Variants in SMPD3 observed in about 807,000 individuals in gnomAD.
SMPD3 encodes the protein nSMase-2.
SMPD3 carries 21 observed loss-of-function variants against 55.7 expected under a neutral mutation model. The observed-to-expected ratio is 0.38, with a 90% CI of 0.27 to 0.54. The LOEUF (loss-of-function observed/expected upper bound fraction) is 0.54. Ranked by LOEUF, SMPD3 falls within the 20% of genes least tolerant of loss-of-function variation. SMPD3 has a pLI of 0.80. For synonymous variants in SMPD3, 457 were observed against 404.3 expected, an observed-to-expected ratio of 1.13 and a Z score of -1.56; for missense variants, 842 against 899.6, an observed-to-expected ratio of 0.94 and a Z score of 0.82.
At chr16:68,421,750 G>A (rs902159661) in intron 1 of SMPD3, among the ~76,000 whole-genome samples, 1 of 152,214 alleles carries the variant, frequency 6.6e-6, no homozygotes, top group Admixed American at 6.5e-5. Context: ...GAGTCTAGGG[G>A]TGGGCATTGT....
chr16:68,397,286 A>G (rs1264713581), intron 1 of SMPD3, among the ~76,000 whole-genome samples: 1 of 152,130 alleles, frequency 6.6e-6, no homozygotes, highest in Non-Finnish European at 1.5e-5. Context: ...TCCCAGAGGG[A>G]TTCAAGGTGG....
rs374711863 is a variant in SMPD3, at chr16:68,371,465, C to T, written c.717G>A (p.Pro239=). 1.9e-4 allele frequency: 306 copies of T among 1,595,910 alleles called. 1 individual carries two copies. The Middle Eastern group carries it at 2.2e-3, about 11-fold the overall frequency. Residue 239 remains proline, a synonymous_variant, in exon 3 of 9, where the codon CCG becomes CCA. Transcript: ENST00000219334. ...CGATGCGCACGATGCAGGCATCCTC[C>T]GGGCTGCTGCTGTCGACAGGGTCCC... is the stretch of plus-strand genomic sequence containing the variant. The part of the protein sequence containing the change: ...ASGDPVDSSS[P]EDACIVRIGG...
At chr16:68,440,810 T>C (rs1322111215) in intron 1 of SMPD3, among the ~76,000 whole-genome samples, 32 of 152,208 alleles carry the variant, frequency 2.1e-4, no homozygotes, top group Non-Finnish European at 7.3e-5. Context: ...CTGATTCCCC[T>C]GAGGAATCTG....
intron 1 of SMPD3, among the ~76,000 whole-genome samples, chr16:68,443,429 T>C (rs2090583918): frequency 6.6e-6 from 1 of 152,236 alleles, no homozygotes; most frequent in Admixed American, 6.5e-5. Context: ...AATAGGCTGC[T>C]AGGAAATAAA....
At chr16:68,387,772 T>A (rs2152002394) in intron 1 of SMPD3, among the ~76,000 whole-genome samples, 2 of 152,346 alleles carry the variant, frequency 1.3e-5, no homozygotes, top group Admixed American at 1.3e-4. Context: ...CCTATCACTC[T>A]TCACACCGCA....
intron 2 of SMPD3, among the ~76,000 whole-genome samples, chr16:68,374,232 G>A (rs916956527): frequency 9.2e-5 from 14 of 152,356 alleles, no homozygotes; most frequent in African/African-American, 3.4e-4. Flanking sequence ...CCACCAACCC[G>A]AGGTGTGCGG....
rs73551933 is a variant in SMPD3, at chr16:68,417,680, C to T, written c.-269+30673G>A. Among the ~76,000 whole-genome samples the T allele has an allele frequency of 4.0e-3, 607 of 152,332 alleles. 7 individuals carry two copies. The highest frequency in any genetic ancestry group is 0.013 in the African/African-American group (550 of 41,572). ...CTTGGAGACCAGTCCTAGACCTACA[C>T]GCTACTAGACAAAGATGCTGGTACC... On this transcript the variant is annotated intron_variant, in intron 1 of 8. Coordinates refer to ENST00000219334, the MANE Select transcript of SMPD3 (RefSeq NM_018667.4).
Position 68,447,257 on chromosome 16 carries a change from C to A in SMPD3, c.-269+1096G>T, listed in dbSNP as rs867370632. On this transcript the variant is annotated intron_variant, in intron 1 of 8. Coordinates refer to ENST00000219334, the MANE Select transcript of SMPD3 (RefSeq NM_018667.4). The surrounding 1 kb of genome is among the most constrained non-coding windows in gnomAD (Gnocchi z 5.1). ...GAGCCTCGGTTTGGGGTGCGCCCTG[C>A]ATCGGAGCGGAGCAGCCCCCAAAGA... 6.6e-6 allele frequency among the ~76,000 whole-genome samples: 1 copy of A among 152,224 alleles called. No homozygotes were observed. The highest frequency in any genetic ancestry group is 2.4e-5 in the African/African-American group (1 of 41,470).
At chr16:68,431,876 C>G (rs1394024015) in intron 1 of SMPD3, among the ~76,000 whole-genome samples, 1 of 152,040 alleles carries the variant, frequency 6.6e-6, no homozygotes, top group African/African-American at 2.4e-5. Context: ...GAGCTGAGAT[C>G]CTACCACTGC....
intron 1 of SMPD3, among the ~76,000 whole-genome samples, chr16:68,388,537 G>A (rs2090082122): frequency 6.6e-6 from 1 of 152,114 alleles, no homozygotes; most frequent in Non-Finnish European, 1.5e-5. Flanking sequence ...AAGTGGGGAG[G>A]AGCTCACCTC....
Position 68,359,319 on chromosome 16 carries a change from G to C in SMPD3, c.*1887C>G, listed in dbSNP as rs1009895144. On this transcript the variant is annotated 3_prime_UTR_variant, in exon 9 of 9. Transcript: ENST00000219334. ...GTCAAGGCTCACAGGCCAGCCCCTT[G>C]GAGGGGTGGGCCGGGCAGAGAGCCC... The C allele has an allele frequency of 6.6e-6, 1 of 152,478 alleles. No homozygotes were observed. The highest frequency in any genetic ancestry group is 1.5e-5 in the Non-Finnish European group (1 of 68,156). The allele number at this position is 152,478 out of a possible 1,614,324, so 9.4% of individuals were successfully genotyped here.
chr16:68,440,717 A>G (rs1574668), intron 1 of SMPD3, among the ~76,000 whole-genome samples: 105,240 of 152,086 alleles, frequency 0.69, 38,363 homozygotes, highest in East Asian at 0.88. Context: ...TCAAAGGCCA[A>G]TAAGTGGCAG....
chr16:68,418,030 A>G (rs991444250), intron 1 of SMPD3, among the ~76,000 whole-genome samples: 1 of 152,258 alleles, frequency 6.6e-6, no homozygotes, highest in Non-Finnish European at 1.5e-5. Flanking sequence ...AATAAATGGT[A>G]CACATTCATA....
At chr16:68,410,373 C>T (rs531611691) in intron 1 of SMPD3, among the ~76,000 whole-genome samples, 3 of 152,104 alleles carry the variant, frequency 2.0e-5, no homozygotes, top group South Asian at 4.2e-4. Flanking sequence ...GTGTTGTCAT[C>T]TTGGATGCCA....
rs1308191009 is a variant in SMPD3, at chr16:68,358,942, T to G, written c.*2264A>C. 1 of 152,216 alleles carries G rather than the reference T, an allele frequency of 6.6e-6. No individual in the cohort carries two copies. Among genetic ancestry groups the G allele is most frequent in the African/African-American group, 2.4e-5 (1 of 41,272 alleles). The allele number at this position is 152,216 out of a possible 1,614,324, so 9.4% of individuals were successfully genotyped here. A position where few individuals can be genotyped will look rare whatever the true frequency, so the allele number is the denominator to read the frequency against. ...GTCCCGGTCTTGGTGCTGAGGGAGG[T>G]GTGCGGGGGCCTGGGGGCCGCACAT... is the stretch of plus-strand genomic sequence containing the variant. On this transcript the variant is annotated 3_prime_UTR_variant, in exon 9 of 9. Coordinates refer to ENST00000219334, the MANE Select transcript of SMPD3 (RefSeq NM_018667.4).
intron 2 of SMPD3, among the ~76,000 whole-genome samples, chr16:68,376,599 G>T (rs1269310258): frequency 6.6e-6 from 1 of 152,350 alleles, no homozygotes; most frequent in Non-Finnish European, 1.5e-5. Context: ...ATCCTGGTAT[G>T]TAGCTTCTGA....
At chr16:68,403,093 T>C (rs888971892) in intron 1 of SMPD3, among the ~76,000 whole-genome samples, 4 of 152,262 alleles carry the variant, frequency 2.6e-5, no homozygotes, top group East Asian at 1.9e-4. Context: ...AGATGTGATG[T>C]GGCTCCCTCC....
At chr16:68,429,956 G>A (rs1260704455) in intron 1 of SMPD3, among the ~76,000 whole-genome samples, 1 of 152,114 alleles carries the variant, frequency 6.6e-6, no homozygotes, top group Non-Finnish European at 1.5e-5. Flanking sequence ...AAGACAAAGG[G>A]ATAAACCCAC....
chr16:68,445,826 C>G (rs779674379), intron 1 of SMPD3, among the ~76,000 whole-genome samples: 1 of 152,210 alleles, frequency 6.6e-6, no homozygotes, highest in African/African-American at 2.4e-5. Flanking sequence ...TGCACAGTAC[C>G]TTTGCTATGC....
Sources: allele counts gnomAD v4.1 joint callset (sites outside exome capture counted in the v4.1 genomes callset), GRCh38; gene constraint gnomAD v4.1.1; non-coding constraint Gnocchi (gnomAD v3.1); transcripts MANE v1.5; gene names NCBI Gene and HGNC (gene_info 2026-07-23, HGNC 2026-07-21).